FAM178B: variants seen among roughly 807,000 people sequenced by gnomAD.
FAM178B encodes the protein protein FAM178B.
FAM178B carries 82 observed loss-of-function variants against 91.7 expected under a neutral mutation model. The observed-to-expected ratio is 0.89, with a 90% CI of 0.75 to 1.07. FAM178B has a LOEUF of 1.07. FAM178B is among the 50% of genes least tolerant of loss of function. The probability of loss-of-function intolerance (pLI) is 0.00; values close to 1 mark genes in which losing one functional copy is unlikely to be tolerated. For synonymous variants in FAM178B, 368 were observed against 359.4 expected, an observed-to-expected ratio of 1.02 and a Z score of -0.27; for missense variants, 769 against 846.7, an observed-to-expected ratio of 0.91 and a Z score of 1.14.
At position 96,951,395 on chromosome 2, in the gene FAM178B, A is replaced by G; in HGVS notation, c.977T>C (p.Leu326Pro). 5 of 1,551,204 alleles carry G rather than the reference A, an allele frequency of 3.2e-6. No homozygotes were observed. The highest frequency in any genetic ancestry group is 4.4e-6 in the Non-Finnish European group (5 of 1,146,640). ...GGTCCTCACCTGGAACAGCCACTGG[A>G]GCAGGGATACCGGGCAGTCAGGCAT... Reference protein sequence around the residue: ...LHMPDCPVSLLQWLFQLLTWP... With the variant: ...LHMPDCPVSLPQWLFQLLTWP... The change falls in exon 7 of 17, where the codon CTC becomes CCC. Residue 326 changes from leucine to proline, a missense_variant. By Grantham distance (98) the Leu-to-Pro change is moderately conservative (BLOSUM62 -3). Transcript: ENST00000490605.
Position 96,972,155 on chromosome 2 carries a change from C to T in FAM178B, c.310G>A (p.Glu104Lys). 6.5e-7 allele frequency: 1 copy of T among 1,542,838 alleles called. No homozygotes were observed. Among genetic ancestry groups the T allele is most frequent in the Non-Finnish European group, 8.7e-7 (1 of 1,143,074 alleles). The change falls in exon 3 of 17, where the codon GAA becomes AAA. Residue 104 changes from glutamate (E) to lysine (K), a missense_variant. Glu to Lys is a moderately conservative substitution (Grantham distance 56). Coordinates refer to ENST00000490605, the MANE Select transcript of FAM178B (RefSeq NM_001122646.3). Reference protein sequence around the residue: ...PKKPKIQAPGETFPTDWSPPP... With the variant: ...PKKPKIQAPGKTFPTDWSPPP... Reference sequence around the variant, plus strand: ...GGGCTCCAGTCAGTGGGAAACGTTTCCCCAGGTGCCTGTATCTTGGGCTTC... The same window carrying T: ...GGGCTCCAGTCAGTGGGAAACGTTTTCCCAGGTGCCTGTATCTTGGGCTTC...
intron 12 of FAM178B, among the ~76,000 whole-genome samples, chr2:96,907,231 C>G (rs1242790794): frequency 6.6e-6 from 1 of 152,172 alleles, no homozygotes; most frequent in Non-Finnish European, 1.5e-5. Flanking sequence ...TTAGTTCCCA[C>G]TGGGACACAG....
At chr2:96,894,665 C>T (rs191328602) in intron 13 of FAM178B, among the ~76,000 whole-genome samples, 11,697 of 70,522 alleles carry the variant, frequency 0.17, 1,731 homozygotes, top group South Asian at 0.61. Context: ...ACCCACACCC[C>T]CCTACAGACC....
At chr2:96,910,007 C>T (rs927001677) in intron 12 of FAM178B, among the ~76,000 whole-genome samples, 5 of 152,072 alleles carry the variant, frequency 3.3e-5, no homozygotes, top group East Asian at 1.9e-4. Flanking sequence ...TCCTTCATGC[C>T]GAACCCAGCC....
intron 14 of FAM178B, among the ~76,000 whole-genome samples, chr2:96,880,762 T>A (rs969698331): frequency 2.3e-4 from 35 of 152,174 alleles, no homozygotes; most frequent in Admixed American, 9.2e-4. Context: ...GCCCGGAGAA[T>A]TTTTTGTATT....
chr2:96,967,506 C>A lies in FAM178B; in HGVS notation c.734+14G>T, dbSNP rs1294774125. ...TTCCCCTTCGGAGGCTGGTGCCAGG[C>A]CCCTGCCCCTCACCTGTGCTCGGGT... On this transcript the variant is annotated intron_variant, in intron 5 of 16. Coordinates refer to ENST00000490605, the MANE Select transcript of FAM178B (RefSeq NM_001122646.3). 2.6e-6 allele frequency: 4 copies of A among 1,514,100 alleles called. No homozygotes were observed. The highest frequency in any genetic ancestry group is 3.6e-6 in the Non-Finnish European group (4 of 1,115,632). The allele number at this position is 1,514,100 out of a possible 1,614,324, so 93.8% of individuals were successfully genotyped here.
intron 3 of FAM178B, among the ~76,000 whole-genome samples, chr2:96,971,438 CCCA>C (rs2082216693): frequency 6.6e-6 from 1 of 152,082 alleles, no homozygotes; most frequent in Admixed American, 6.6e-5. Context: ...CTGTAAATGT[CCCA>C]CAGTCTACCT....
chr2:96,921,116 C>CGAAGAGAT (rs2081330753), intron 12 of FAM178B, 49 bp downstream of exon 12: 1 of 1,477,298 alleles, frequency 6.8e-7, no homozygotes. Flanking sequence ...TACAAGACCC[C>CGAAGAGAT]GAAGAGATGC....
chr2:96,886,116 C>G (rs1293650352), intron 14 of FAM178B, among the ~76,000 whole-genome samples: 2 of 152,230 alleles, frequency 1.3e-5, no homozygotes, highest in Non-Finnish European at 2.9e-5. Flanking sequence ...GGCCACTGCC[C>G]GTGACTGAAC....
intron 6 of FAM178B, among the ~76,000 whole-genome samples, chr2:96,952,203 G>T (rs867220363): frequency 3.9e-5 from 6 of 152,124 alleles, no homozygotes; most frequent in Admixed American, 2.6e-4. Context: ...CCAGCGTCTC[G>T]CGATCTGGTT....
At chr2:96,955,095 G>C (rs1360558329) in intron 6 of FAM178B, among the ~76,000 whole-genome samples, 1 of 152,204 alleles carries the variant, frequency 6.6e-6, no homozygotes, top group Non-Finnish European at 1.5e-5. Context: ...GCCGGGCATC[G>C]TGGCTCATGC....
rs1030466064 is a variant in FAM178B at position 96,986,379 on chromosome 2, G to T, written c.-66C>A. On this transcript the variant is annotated 5_prime_UTR_variant, in exon 1 of 17. Coordinates refer to ENST00000490605, the MANE Select transcript of FAM178B (RefSeq NM_001122646.3). ...GGGAATTCGCACGGCCTCAGAGGACGGGGCCAGCTAGCCGGGAAAGGAAGC... is the reference window on the plus strand; with the variant it reads ...GGGAATTCGCACGGCCTCAGAGGACTGGGCCAGCTAGCCGGGAAAGGAAGC... 6 of 1,499,310 alleles carry T rather than the reference G, an allele frequency of 4.0e-6. No homozygotes were observed. Among genetic ancestry groups the T allele is most frequent in the East Asian group, 2.5e-5 (1 of 39,922 alleles). 92.9% of individuals were successfully genotyped at this position (1,499,310 alleles called of 1,614,324 possible). A position where few individuals can be genotyped will look rare whatever the true frequency, so the allele number is the denominator to read the frequency against.
intron 14 of FAM178B, among the ~76,000 whole-genome samples, chr2:96,879,316 G>A (rs1414256932): frequency 2.6e-5 from 4 of 152,188 alleles, no homozygotes; most frequent in African/African-American, 7.2e-5. Flanking sequence ...CCCCGAGGAC[G>A]AGTAGGGGTG....
chr2:96,961,070 G>T (rs2082074062), intron 5 of FAM178B, among the ~76,000 whole-genome samples: 1 of 152,156 alleles, frequency 6.6e-6, no homozygotes, highest in Non-Finnish European at 1.5e-5. Flanking sequence ...GCCCGGTCCG[G>T]CCCAGAGAGT....
chr2:96,927,914 C>T (rs754615144), intron 9 of FAM178B, among the ~76,000 whole-genome samples: 26 of 152,222 alleles, frequency 1.7e-4, no homozygotes, highest in Admixed American at 1.3e-4. Flanking sequence ...CTCTCCCCCG[C>T]TCATCCAAGA....
Position 96,876,084 on chromosome 2 carries a change from T to A in FAM178B, c.*192A>T. On this transcript the variant is annotated 3_prime_UTR_variant, in exon 17 of 17. Coordinates refer to ENST00000490605, the MANE Select transcript of FAM178B (RefSeq NM_001122646.3). ...CATCCCTTGCTGAGAGGAGAGGGGG[T>A]CGGGGCGGTGGCAGAGGCAGGCTCT... 1 of 572,646 alleles carries A rather than the reference T, an allele frequency of 1.7e-6. No homozygotes were observed. The highest frequency in any genetic ancestry group is 3.1e-6 in the Non-Finnish European group (1 of 327,836). 35.5% of individuals were successfully genotyped at this position (572,646 alleles called of 1,614,324 possible).
At chr2:96,925,612 T>A (rs956972002) in intron 9 of FAM178B, among the ~76,000 whole-genome samples, 5 of 152,050 alleles carry the variant, frequency 3.3e-5, no homozygotes, top group Non-Finnish European at 7.4e-5. Context: ...CAGGTTAGAG[T>A]GAGCTGATGG....
chr2:96,944,238 T>A (rs1385522200), intron 8 of FAM178B, among the ~76,000 whole-genome samples: 2 of 99,332 alleles, frequency 2.0e-5, no homozygotes, highest in Non-Finnish European at 1.8e-5. Context: ...CAAGACTCCA[T>A]CTCAAAAAAA....
intron 9 of FAM178B, among the ~76,000 whole-genome samples, chr2:96,924,583 C>G (rs2081403221): frequency 6.6e-6 from 1 of 152,212 alleles, no homozygotes; most frequent in African/African-American, 2.4e-5. Context: ...GCAGTCTCAT[C>G]ACCCTTTCCA....
Sources: gnomAD v4.1 joint callset for allele counts (sites outside exome capture counted in the v4.1 genomes callset) on GRCh38, gnomAD v4.1.1 for gene constraint, MANE v1.5 for transcripts, NCBI Gene and HGNC (gene_info 2026-07-23, HGNC 2026-07-21) for gene names.